The following CTNNA3 variants were observed in gnomAD, a reference collection of about 807,000 sequenced individuals.
CTNNA3 encodes the protein catenin alpha-3.
A neutral mutation model predicts 95.7 loss-of-function variants in CTNNA3; 76 were observed. The observed-to-expected ratio is 0.79, with a 90% CI of 0.66 to 0.96. The LOEUF is 0.96. CTNNA3 is among the 40% of genes least tolerant of loss of function. The probability of loss-of-function intolerance (pLI) is 0.00; values close to 1 mark genes in which losing one functional copy is unlikely to be tolerated. For synonymous variants in CTNNA3, 431 were observed against 374.4 expected (o/e 1.15, Z -1.74); for missense variants, 1,191 against 1,089.8 (o/e 1.09, Z -1.31).
intron 5 of CTNNA3, among the ~76,000 whole-genome samples, chr10:67,498,548 G>A (rs1839111295): frequency 6.6e-6 from 1 of 151,068 alleles, no homozygotes; most frequent in South Asian, 2.2e-4. Context: ...TCATGATATT[G>A]ATTTCTCCTA....
At chr10:67,089,705 G>A (rs1857511808) in intron 7 of CTNNA3, among the ~76,000 whole-genome samples, 1 of 135,206 alleles carries the variant, frequency 7.4e-6, no homozygotes, top group Non-Finnish European at 1.6e-5. Flanking sequence ...GTATACATAT[G>A]TGTATATACA....
intron 6 of CTNNA3, among the ~76,000 whole-genome samples, chr10:67,215,079 G>A (rs1864297164): frequency 6.6e-6 from 1 of 151,810 alleles, no homozygotes; most frequent in Non-Finnish European, 1.5e-5. Context: ...TATCTTAACT[G>A]CTTTTCAAAA....
intron 13 of CTNNA3, among the ~76,000 whole-genome samples, chr10:66,214,860 T>G (rs983287273): frequency 2.0e-5 from 3 of 151,922 alleles, no homozygotes; most frequent in African/African-American, 7.3e-5. Flanking sequence ...TAGAGGAGAC[T>G]CTCAGTATAT....
Position 66,988,381 on chromosome 10 carries a change from C to G in CTNNA3, c.1047+191936G>C, listed in dbSNP as rs141259328. On this transcript the variant is annotated intron_variant, in intron 7 of 17. Transcript: ENST00000433211. ...GAAATTCATCAAAGCAACATTTAAG[C>G]CAATACAATGATTTTCTAGCTATTA... Among the ~76,000 whole-genome samples the G allele has an allele frequency of 6.0e-3, 912 of 152,182 alleles. 10 individuals carry two copies. The highest frequency in any genetic ancestry group is 0.021 in the African/African-American group (869 of 41,534).
intron 11 of CTNNA3, among the ~76,000 whole-genome samples, chr10:66,454,657 G>A (rs528827268): frequency 6.6e-6 from 1 of 152,064 alleles, no homozygotes; most frequent in Non-Finnish European, 1.5e-5. Context: ...CAAACATTTA[G>A]AAGTAATGCC....
intron 3 of CTNNA3, among the ~76,000 whole-genome samples, chr10:67,592,340 C>T (rs1842814795): frequency 6.6e-6 from 1 of 152,104 alleles, no homozygotes; most frequent in Admixed American, 6.6e-5. Context: ...AGCAAAATAG[C>T]TGTAACATTC....
intron 13 of CTNNA3, among the ~76,000 whole-genome samples, chr10:66,229,150 T>C (rs896412592): frequency 6.6e-6 from 1 of 152,200 alleles, no homozygotes; most frequent in Admixed American, 6.5e-5. Context: ...TTATTGAATG[T>C]TGAGAATTTA....
Position 67,179,847 on chromosome 10 carries a change from C to A in CTNNA3, c.1047+470G>T, listed in dbSNP as rs375873715. On this transcript the variant is annotated intron_variant, in intron 7 of 17. Coordinates refer to ENST00000433211, the MANE Select transcript of CTNNA3 (RefSeq NM_013266.4). The stretch of plus-strand genomic sequence containing the variant: ...GTCTATCTCCATAAAACAACAACAA[C>A]AAAAAAACATAACAACCTGCATGGG... Among the ~76,000 whole-genome samples the A allele has an allele frequency of 3.7e-3, 565 of 152,140 alleles. 4 individuals are homozygous for A. Among genetic ancestry groups the A allele is most frequent in the African/African-American group, 0.012 (516 of 41,520 alleles).
At chr10:66,725,786 C>T (rs1051943714) in intron 9 of CTNNA3, among the ~76,000 whole-genome samples, 10 of 152,192 alleles carry the variant, frequency 6.6e-5, no homozygotes, top group Admixed American at 6.5e-4. Flanking sequence ...GGAAACCTCA[C>T]TTGTTTCACA....
intron 9 of CTNNA3, among the ~76,000 whole-genome samples, chr10:66,659,389 A>G (rs1846179767): frequency 1.3e-5 from 2 of 152,144 alleles, no homozygotes. Context: ...AAAGATTTTT[A>G]GAAGGAGCTA....
intron 7 of CTNNA3, among the ~76,000 whole-genome samples, chr10:66,822,173 A>G (rs1176871294): frequency 6.6e-6 from 1 of 150,586 alleles, no homozygotes; most frequent in African/African-American, 2.4e-5. Context: ...TTTATATTAT[A>G]TATTTTAGCA....
Position 66,804,926 on chromosome 10 carries a change from A to G in CTNNA3, c.1048-29402T>C, listed in dbSNP as rs540832327. Among the ~76,000 whole-genome samples the G allele has an allele frequency of 9.7e-4, 147 of 152,198 alleles. 1 individual carries two copies. The Middle Eastern group carries it at 0.014, about 14-fold the overall frequency. On this transcript the variant is annotated intron_variant, in intron 7 of 17. Coordinates refer to ENST00000433211, the MANE Select transcript of CTNNA3 (RefSeq NM_013266.4). ...ATTGATACAAAATTTTCCCCAATTG[A>G]TAAGAGTAGTTCACAGTGCCTAAAT...
At chr10:66,029,570 A>G (rs72791455) in intron 15 of CTNNA3, among the ~76,000 whole-genome samples, 9,165 of 152,270 alleles carry the variant, frequency 0.06, 397 homozygotes, top group Middle Eastern at 0.11. Flanking sequence ...ACCTACAACC[A>G]GCAAGAATGG....
At chr10:66,703,018 TA>T (rs1470017939) in intron 9 of CTNNA3, among the ~76,000 whole-genome samples, 1 of 152,172 alleles carries the variant, frequency 6.6e-6, no homozygotes, top group Admixed American at 6.6e-5. Flanking sequence ...TTATTGATGT[TA>T]AAAATAATCA....
At chr10:67,597,562 T>C (rs1842965898) in intron 3 of CTNNA3, among the ~76,000 whole-genome samples, 1 of 152,210 alleles carries the variant, frequency 6.6e-6, no homozygotes, top group African/African-American at 2.4e-5. Context: ...TGCTGCATGC[T>C]CTAACCCTGT....
intron 2 of CTNNA3, among the ~76,000 whole-genome samples, chr10:67,620,925 A>G (rs10997760): frequency 0.13 from 6,341 of 47,728 alleles, 144 homozygotes; most frequent in South Asian, 0.21. Flanking sequence ...GTGTGTGTGT[A>G]TATATATATA....
intron 5 of CTNNA3, among the ~76,000 whole-genome samples, chr10:67,486,981 C>G (rs74142820): frequency 1.5e-3 from 228 of 152,210 alleles, no homozygotes; most frequent in African/African-American, 5.2e-3. Flanking sequence ...TGATACCAAT[C>G]CAAAAAGTAT....
At chr10:67,646,429 C>G (rs929060107) in intron 2 of CTNNA3, among the ~76,000 whole-genome samples, 1 of 151,714 alleles carries the variant, frequency 6.6e-6, no homozygotes, top group African/African-American at 2.4e-5. Flanking sequence ...GTTAAGACTG[C>G]CAAAGTTAAC....
intron 1 of CTNNA3, among the ~76,000 whole-genome samples, chr10:67,728,547 C>T (rs955721077): frequency 7.9e-5 from 12 of 151,738 alleles, no homozygotes; most frequent in Non-Finnish European, 1.5e-4. Flanking sequence ...GCAACCTCCA[C>T]CTCCAGGTTC....
Sources: allele counts gnomAD v4.1 joint callset (sites outside exome capture counted in the v4.1 genomes callset), GRCh38; gene constraint gnomAD v4.1.1; transcripts MANE v1.5; gene names NCBI Gene and HGNC (gene_info 2026-07-23, HGNC 2026-07-21).